Variants in MPP7 observed in about 807,000 individuals in gnomAD.
The protein encoded by MPP7 is MAGUK p55 scaffold protein 7, also known as MAGUK p55 subfamily member 7.
MPP7 carries 60 observed loss-of-function variants against 76.5 expected under a neutral mutation model. The observed-to-expected ratio is 0.78, with a 90% CI of 0.64 to 0.97. The LOEUF (loss-of-function observed/expected upper bound fraction) is 0.97. MPP7 is among the 50% of genes least tolerant of loss of function. MPP7 has a pLI of 0.00. For missense variants in MPP7, 641 were observed against 694.0 expected, an observed-to-expected ratio of 0.92 and a Z score of 0.86; for synonymous variants, 237 against 244.5, an observed-to-expected ratio of 0.97 and a Z score of 0.29.
chr10:28,089,779 C>T lies in MPP7; in HGVS notation c.1015G>A (p.Glu339Lys), dbSNP rs751682351. 1.2e-6 allele frequency: 2 copies of T among 1,604,252 alleles called. No homozygotes were observed. Among genetic ancestry groups the T allele is most frequent in the Non-Finnish European group, 1.7e-6 (2 of 1,171,600 alleles). Residue 339 changes from glutamate (E) to lysine (K), a missense_variant, in exon 12 of 17, where the codon GAA (glutamate) becomes AAA (lysine). Coordinates refer to ENST00000683449, the MANE Select transcript of MPP7 (RefSeq NM_001318170.2). ...KDKKTNKSMY[E>K]CKKSDQYDTA... ...TCGTACTGATCACTCTTCTTGCATT[C>T]ATACATGGATTTATTTGTTTTCTTA...
chr10:28,235,059 C>T (rs1457750685), intron 2 of MPP7, among the ~76,000 whole-genome samples: 1 of 152,232 alleles, frequency 6.6e-6, no homozygotes, highest in Non-Finnish European at 1.5e-5. Context: ...ATCCACCCAC[C>T]TCAGCCTCCC....
chr10:28,166,511 G>T (rs1836467317), intron 3 of MPP7, among the ~76,000 whole-genome samples: 1 of 147,812 alleles, frequency 6.8e-6, no homozygotes, highest in Non-Finnish European at 1.5e-5. Context: ...AGGTTCAAGT[G>T]ATTCTCCTGC....
rs555732241 is a variant in MPP7 at position 28,279,408 on chromosome 10, C to G, written c.-132+23453G>C. On this transcript the variant is annotated intron_variant, in intron 1 of 16. Coordinates refer to ENST00000683449, the MANE Select transcript of MPP7 (RefSeq NM_001318170.2). ...ATTGGTCTTTCGGGTTTGTCATTGG[C>G]TCACTACAGAAATGCACAGCATGCT... Among the ~76,000 whole-genome samples, 95 of 152,126 alleles carry G rather than the reference C, an allele frequency of 6.2e-4. 1 individual carries two copies. The highest frequency in any genetic ancestry group is 3.4e-3 in the Middle Eastern group (1 of 294).
At chr10:28,222,685 C>A (rs1022953524) in intron 2 of MPP7, among the ~76,000 whole-genome samples, 6 of 151,466 alleles carry the variant, frequency 4.0e-5, no homozygotes, top group African/African-American at 1.5e-4. Context: ...ACCCCGTCTC[C>A]ACTAAAAATA....
intron 6 of MPP7, among the ~76,000 whole-genome samples, chr10:28,128,386 A>G (rs1835085984): frequency 6.6e-6 from 1 of 152,218 alleles, no homozygotes; most frequent in Non-Finnish European, 1.5e-5. Context: ...CTTGGAGCTC[A>G]TGTCTGCACT....
rs1383989069 is a variant in MPP7 at position 28,170,113 on chromosome 10, T to G, written c.157-20054A>C. On this transcript the variant is annotated intron_variant, in intron 3 of 16. Transcript: ENST00000683449. ...TCCCATCCTATTATCTAAGAGTATT[T>G]TTCTTCTTTTAATTAAAAAATGAGG... Among the ~76,000 whole-genome samples the G allele has an allele frequency of 1.3e-5, 2 of 152,144 alleles. 1 individual carries two copies. The highest frequency in any genetic ancestry group is 2.9e-5 in the Non-Finnish European group (2 of 68,028).
chr10:28,269,525 C>CTT (rs111580419), intron 1 of MPP7, among the ~76,000 whole-genome samples: 74 of 139,108 alleles, frequency 5.3e-4, no homozygotes, highest in Middle Eastern at 3.8e-3. Context: ...TTGTTTTTAT[C>CTT]TTTTTTTTTT....
In MPP7 at chr10:28,078,228, C is replaced by T. The variant is rs577445031; in HGVS notation, c.1124-8376G>A. 5.9e-5 allele frequency among the ~76,000 whole-genome samples: 9 copies of T among 152,332 alleles called. No individual in the cohort carries two copies. The South Asian group carries it at 6.2e-4, about 11-fold the overall frequency. ...CACGGACTCTCTCATCCCCAGTCCA[C>T]GCAATCCATACTTCGTGATGACTAA... is the stretch of plus-strand genomic sequence containing the variant. On this transcript the variant is annotated intron_variant, in intron 12 of 16. Coordinates refer to ENST00000683449, the MANE Select transcript of MPP7 (RefSeq NM_001318170.2).
At chr10:28,094,033 A>C (rs781029399) in intron 11 of MPP7, among the ~76,000 whole-genome samples, 1 of 152,184 alleles carries the variant, frequency 6.6e-6, no homozygotes, top group Non-Finnish European at 1.5e-5. Flanking sequence ...ATTTTCTAAG[A>C]GTTAAAATTC....
At chr10:28,186,813 C>A (rs1352354059) in intron 3 of MPP7, among the ~76,000 whole-genome samples, 2 of 152,208 alleles carry the variant, frequency 1.3e-5, no homozygotes, top group African/African-American at 4.8e-5. Flanking sequence ...TTAAGACCTA[C>A]TGCAGTGGGA....
At chr10:28,086,124 C>T (rs1196335030) in intron 12 of MPP7, among the ~76,000 whole-genome samples, 1 of 152,062 alleles carries the variant, frequency 6.6e-6, no homozygotes, top group African/African-American at 2.4e-5. Flanking sequence ...GAACATCACA[C>T]ATCAGGGCCT....
chr10:28,085,531 T>C (rs561416174), intron 12 of MPP7, among the ~76,000 whole-genome samples: 13 of 152,264 alleles, frequency 8.5e-5, no homozygotes, highest in African/African-American at 3.1e-4. Context: ...AACAGATATT[T>C]TGGTTGTCAT....
intron 2 of MPP7, among the ~76,000 whole-genome samples, chr10:28,215,339 G>GAA (rs140707145): frequency 6.7e-6 from 1 of 148,704 alleles, no homozygotes; most frequent in East Asian, 2.0e-4. Context: ...AAGAAGGGAG[G>GAA]AAAAAAAAAA....
chr10:28,125,300 C>G (rs1834983545), intron 6 of MPP7, among the ~76,000 whole-genome samples: 1 of 152,176 alleles, frequency 6.6e-6, no homozygotes, highest in Non-Finnish European at 1.5e-5. Context: ...TACATAGCAT[C>G]AAAGGGTTTC....
At chr10:28,235,487 C>T (rs1839043176) in intron 2 of MPP7, among the ~76,000 whole-genome samples, 1 of 151,852 alleles carries the variant, frequency 6.6e-6, no homozygotes, top group South Asian at 2.1e-4. Flanking sequence ...ATATGTAATG[C>T]TGGATTATGA....
chr10:28,252,745 T>G (rs991288603), intron 1 of MPP7, among the ~76,000 whole-genome samples: 1 of 152,186 alleles, frequency 6.6e-6, no homozygotes, highest in African/African-American at 2.4e-5. Flanking sequence ...CTCTTAGAAC[T>G]GTTTGAAATT....
intron 3 of MPP7, among the ~76,000 whole-genome samples, chr10:28,199,084 G>A (rs1010011420): frequency 6.6e-6 from 1 of 152,102 alleles, no homozygotes. Flanking sequence ...AGCAAGAGAG[G>A]ATGAGAGCCA....
intron 2 of MPP7, among the ~76,000 whole-genome samples, chr10:28,320,456 T>C (rs1446186647): frequency 6.6e-6 from 1 of 151,674 alleles, no homozygotes; most frequent in African/African-American, 2.4e-5. Context: ...ATTAATCTTA[T>C]AGGGGAAAAA....
chr10:28,116,265 A>G (rs1296876223), intron 11 of MPP7, among the ~76,000 whole-genome samples: 1 of 152,176 alleles, frequency 6.6e-6, no homozygotes, highest in Non-Finnish European at 1.5e-5. Context: ...GCAACAAACA[A>G]TACCACAAAT....
Sources: gnomAD v4.1 joint callset for allele counts (sites outside exome capture counted in the v4.1 genomes callset) on GRCh38, gnomAD v4.1.1 for gene constraint, MANE v1.5 for transcripts, NCBI Gene and HGNC (gene_info 2026-07-23, HGNC 2026-07-21) for gene names.